The following SOCS7 variants were observed in gnomAD, a reference collection of about 807,000 sequenced individuals.
SOCS7 encodes NAP-4.
Under a neutral mutation model 58.9 loss-of-function variants are expected in SOCS7, and 18 were observed. The ratio of observed to expected loss-of-function variants is 0.31; its 90% confidence interval spans 0.21 to 0.45. The LOEUF (loss-of-function observed/expected upper bound fraction) is 0.45. SOCS7 is among the 20% of genes least tolerant of loss of function. The pLI is 1.00. For synonymous variants in SOCS7, 388 were observed against 364.3 expected, an observed-to-expected ratio of 1.06 and a Z score of -0.74; for missense variants, 667 against 837.3, an observed-to-expected ratio of 0.80 and a Z score of 2.51.
chr17:38,359,385 A>G (rs1437800871), intron 1 of SOCS7, among the ~76,000 whole-genome samples: 1 of 152,182 alleles, frequency 6.6e-6, no homozygotes, highest in African/African-American at 2.4e-5. Flanking sequence ...GAGGTTGCCA[A>G]GGGAATGTAA....
intron 2 of SOCS7, among the ~76,000 whole-genome samples, chr17:38,362,695 G>C (rs976979970): frequency 1.3e-5 from 2 of 152,218 alleles, no homozygotes; most frequent in African/African-American, 4.8e-5. Flanking sequence ...ATTGGTACCT[G>C]TATAGGCATC....
At chr17:38,377,169 T>TAG (rs1355111524) in intron 6 of SOCS7, among the ~76,000 whole-genome samples, 1 of 152,172 alleles carries the variant, frequency 6.6e-6, no homozygotes, top group Non-Finnish European at 1.5e-5. Flanking sequence ...TACATCTATA[T>TAG]AGAGAGAGGA....
intron 6 of SOCS7, among the ~76,000 whole-genome samples, chr17:38,375,373 A>G (rs549664082): frequency 6.6e-6 from 1 of 152,008 alleles, no homozygotes; most frequent in Non-Finnish European, 1.5e-5. Context: ...GTTTGAAAAC[A>G]ATGAGGATGA....
chr17:38,352,997 G>T lies in SOCS7; in HGVS notation c.945G>T (p.Met315Ile). The T allele has an allele frequency of 6.2e-7, 1 of 1,600,632 alleles. No homozygotes were observed. Reference sequence around the variant, plus strand: ...CTTCAGCTGCGAGCCTGACAGACATGGGAGGCTCTGCGGGCCGGGAGCTGG... The same window carrying T: ...CTTCAGCTGCGAGCCTGACAGACATTGGAGGCTCTGCGGGCCGGGAGCTGG... ...LAASAASLTDMGGSAGRELDA... is the reference protein window; with the variant it reads ...LAASAASLTDIGGSAGRELDA... The change falls in exon 1 of 10, where the codon ATG becomes ATT. Residue 315 changes from methionine (M) to isoleucine (I), a missense_variant. Coordinates refer to ENST00000612932, the MANE Select transcript of SOCS7 (RefSeq NM_014598.4). The surrounding 1 kb of genome is among the most constrained non-coding windows in gnomAD (Gnocchi z 5.5).
intron 6 of SOCS7, among the ~76,000 whole-genome samples, chr17:38,376,437 C>T (rs1444715235): frequency 6.6e-6 from 1 of 151,916 alleles, no homozygotes; most frequent in African/African-American, 2.4e-5. Flanking sequence ...TTTTTCTTAT[C>T]AACGTTACAA....
chr17:38,377,883 T>TATGATCCAG, intron 7 of SOCS7, 41 bp downstream of exon 7: 1 of 1,594,912 alleles, frequency 6.3e-7, no homozygotes, highest in Non-Finnish European at 8.5e-7. Context: ...TTAAGTTGGG[T>TATGATCCAG]ATGATCCAGT....
chr17:38,355,445 G>T (rs1045717914), intron 1 of SOCS7, among the ~76,000 whole-genome samples: 1 of 152,152 alleles, frequency 6.6e-6, no homozygotes, highest in Non-Finnish European at 1.5e-5. Context: ...TGGCAGCCTC[G>T]CAGCTGTGAG....
At chr17:38,358,984 T>C (rs1300319898) in intron 1 of SOCS7, among the ~76,000 whole-genome samples, 1 of 152,170 alleles carries the variant, frequency 6.6e-6, no homozygotes, top group Admixed American at 6.5e-5. Context: ...CTTCAGTGCT[T>C]GGCACTGAAG....
In SOCS7 at chr17:38,361,748, C is replaced by G. The variant is rs139493404; in HGVS notation, c.1018C>G (p.Pro340Ala). 20 of 1,613,560 alleles carry G rather than the reference C, an allele frequency of 1.2e-5. No homozygotes were observed. The highest frequency in any genetic ancestry group is 2.2e-5 in the East Asian group (1 of 44,870). Residue 340 changes from proline (P) to alanine (A), a missense_variant, in exon 2 of 10, where the codon CCG (proline) becomes GCG (alanine). By Grantham distance (27) the Pro-to-Ala change is conservative. Transcript: ENST00000612932. The stretch of plus-strand genomic sequence containing the variant: ...GACAAGAACTCAAAGTGCCTTTTCT[C>G]CGGTCTCCTTCAGCCCCCTGTTCAC... ...KLTRTQSAFS[P>A]VSFSPLFTGE...
In SOCS7 at chr17:38,352,917, G is replaced by T. The variant is rs368529614; in HGVS notation, c.865G>T (p.Gly289Cys). Residue 289 changes from glycine (G) to cysteine (C), a missense_variant, in exon 1 of 10, where the codon GGT becomes TGT. Coordinates refer to ENST00000612932, the MANE Select transcript of SOCS7 (RefSeq NM_014598.4). The surrounding 1 kb of genome is among the most constrained non-coding windows in gnomAD (Gnocchi z 5.5). ...CCTCTTTCGCACCAAGAGCTGCAACGGTGGCTCCGGCGGTGGGGATGGGAC... is the reference window on the plus strand; with the variant it reads ...CCTCTTTCGCACCAAGAGCTGCAACTGTGGCTCCGGCGGTGGGGATGGGAC... The part of the protein sequence containing the change: ...SRLFRTKSCN[G>C]GSGGGDGTGK... The T allele has an allele frequency of 3.1e-6, 5 of 1,606,866 alleles. No individual in the cohort carries two copies. Among genetic ancestry groups the T allele is most frequent in the Non-Finnish European group, 4.2e-6 (5 of 1,177,830 alleles).
At chr17:38,361,647 G>T in intron 1 of SOCS7, 64 bp from the exon 2 acceptor site, 1 of 1,245,016 alleles carries the variant, frequency 8.0e-7, no homozygotes. Context: ...GAGTGTTGTG[G>T]TGACTTAAAT....
chr17:38,383,461 CAG>C (rs1163931434), intron 7 of SOCS7, among the ~76,000 whole-genome samples: 1 of 152,140 alleles, frequency 6.6e-6, no homozygotes, highest in Non-Finnish European at 1.5e-5. Context: ...GGTGGCCCCT[CAG>C]ATATCCTTGT....
intron 1 of SOCS7, 23 bp downstream of exon 1, chr17:38,353,055 C>A: frequency 2.0e-6 from 3 of 1,529,980 alleles, no homozygotes; most frequent in Non-Finnish European, 2.6e-6. Context: ...GGGGGCTGGC[C>A]GACAAACTTC....
At position 38,368,025 on chromosome 17, in the gene SOCS7, C is replaced by T; in HGVS notation, c.1527C>T (p.His509=). The change falls in exon 6 of 10, where the codon CAC becomes CAT. Residue 509 remains histidine (H), a synonymous_variant. Transcript: ENST00000612932. The part of the protein sequence containing the change: ...SLSFRSQGIT[H]HTRMEHYRGT... ...GTTTCCGATCACAGGGTATCACCCACCACACTAGAATGGAGCACTACAGAG... is the reference window on the plus strand; with the variant it reads ...GTTTCCGATCACAGGGTATCACCCATCACACTAGAATGGAGCACTACAGAG... 2.5e-6 allele frequency: 4 copies of T among 1,614,048 alleles called. No individual in the cohort carries two copies. Among genetic ancestry groups the T allele is most frequent in the South Asian group, 2.2e-5 (2 of 91,060 alleles).
chr17:38,387,129 G>GTGTGTGTATATATATATATATATA (rs1555570683), intron 7 of SOCS7, among the ~76,000 whole-genome samples: 1 of 64,820 alleles, frequency 1.5e-5, no homozygotes, highest in African/African-American at 1.0e-4. Flanking sequence ...ATATATATAT[G>GTGTGTGTATATATATATATATATA]TATGTATATA....
intron 5 of SOCS7, 29 bp from the exon 6 acceptor site, chr17:38,367,853 A>G (rs2037812262): frequency 6.2e-7 from 1 of 1,603,926 alleles, no homozygotes; most frequent in Admixed American, 1.7e-5. Context: ...TGTCCTGATA[A>G]CTAGTGGACT....
chr17:38,356,871 T>C (rs188568941), intron 1 of SOCS7, among the ~76,000 whole-genome samples: 10 of 152,334 alleles, frequency 6.6e-5, no homozygotes, highest in Admixed American at 1.3e-4. Flanking sequence ...CTGTTTCTCA[T>C]ATGTTGAGTT....
chr17:38,395,169 T>C, intron 7 of SOCS7, 140 bp from the exon 8 acceptor site: 1 of 744,422 alleles, frequency 1.3e-6, no homozygotes, highest in African/African-American at 1.8e-5. Flanking sequence ...AACAGCACTT[T>C]GTGGAGGGGC....
At chr17:38,353,844 T>A (rs1698452804) in intron 1 of SOCS7, among the ~76,000 whole-genome samples, 1 of 152,176 alleles carries the variant, frequency 6.6e-6, no homozygotes, top group Non-Finnish European at 1.5e-5. Context: ...GAGGATCACT[T>A]GAGCCCAGGA....
Sources: gnomAD v4.1 joint callset for allele counts (sites outside exome capture counted in the v4.1 genomes callset) on GRCh38, gnomAD v4.1.1 for gene constraint, Gnocchi (gnomAD v3.1) non-coding constraint, MANE v1.5 for transcripts, NCBI Gene and HGNC (gene_info 2026-07-23, HGNC 2026-07-21) for gene names.